Variants in CALN1 observed in about 807,000 individuals in gnomAD.
The protein encoded by CALN1 is calcium-binding protein 8.
In CALN1, 17 loss-of-function variants were observed where a neutral mutation model predicts 30.6. The ratio of observed to expected loss-of-function variants is 0.56; its 90% CI spans 0.38 to 0.83. The LOEUF is 0.83. CALN1 is among the 40% of genes least tolerant of loss of function. The pLI is 0.00. For missense variants in CALN1, 291 were observed against 354.9 expected, an observed-to-expected ratio of 0.82 and a Z score of 1.45; for synonymous variants, 156 against 131.4, an observed-to-expected ratio of 1.19 and a Z score of -1.28.
intron 2 of CALN1, among the ~76,000 whole-genome samples, chr7:72,400,318 G>A (rs1388934588): frequency 6.6e-6 from 1 of 152,096 alleles, no homozygotes; most frequent in African/African-American, 2.4e-5. Flanking sequence ...ATTTGGAATT[G>A]AGACCACACT....
intron 1 of CALN1, among the ~76,000 whole-genome samples, chr7:72,405,222 A>T (rs769033030): frequency 7.2e-5 from 11 of 152,206 alleles, no homozygotes; most frequent in Non-Finnish European, 1.3e-4. Context: ...GCAAGAAGTC[A>T]CATCTCACCA....
chr7:72,414,167 G>A (rs977586157), upstream of CALN1, among the ~76,000 whole-genome samples: 1 of 152,122 alleles, frequency 6.6e-6, no homozygotes, highest in Admixed American at 6.5e-5. Context: ...CAGGATCCTA[G>A]AGTTTGGCGG....
chr7:72,040,819 G>A (rs1228363498), intron 4 of CALN1, among the ~76,000 whole-genome samples: 1 of 152,170 alleles, frequency 6.6e-6, no homozygotes, highest in East Asian at 1.9e-4. Flanking sequence ...AAGACAGGAA[G>A]AGAGGCTTCA....
intron 4 of CALN1, among the ~76,000 whole-genome samples, chr7:72,097,958 C>G (rs980130725): frequency 6.6e-6 from 1 of 152,194 alleles, no homozygotes; most frequent in Non-Finnish European, 1.5e-5. Context: ...AAGTGATCCA[C>G]CCGCCTCGGC....
chr7:71,974,223 GC>G (rs1797988527), intron 5 of CALN1, among the ~76,000 whole-genome samples: 1 of 151,982 alleles, frequency 6.6e-6, no homozygotes. Context: ...TTCGAGACCA[GC>G]CTGGCCAACA....
rs558242084 is a variant in CALN1, at chr7:72,287,991, T to C, written c.120-9181A>G. On this transcript the variant is annotated intron_variant, in intron 2 of 6. Transcript: ENST00000395275. ...TTTATTGGTATATAATAGTTATTTA[T>C]TGGTATATAATAAATTACCCCTGAA... Among the ~76,000 whole-genome samples, 9 of 152,164 alleles carry C rather than the reference T, an allele frequency of 5.9e-5. No individual in the cohort carries two copies. In the South Asian group the frequency reaches 1.7e-3, roughly 28 times the overall value.
chr7:72,065,459 A>G (rs1803956371), intron 4 of CALN1, among the ~76,000 whole-genome samples: 1 of 151,966 alleles, frequency 6.6e-6, no homozygotes, highest in Non-Finnish European at 1.5e-5. Flanking sequence ...TTGCATGACA[A>G]CCCTTCAAAT....
chr7:71,799,625 C>T (rs533265200), intron 6 of CALN1, among the ~76,000 whole-genome samples: 2 of 152,024 alleles, frequency 1.3e-5, no homozygotes, highest in South Asian at 4.2e-4. Flanking sequence ...GCCACCATAC[C>T]CAGCTAATTT....
chr7:72,480,979 C>G, the CALN1 span, among the ~76,000 whole-genome samples: 54,977 of 151,904 alleles, frequency 0.36, 10,865 homozygotes, highest in African/African-American at 0.48. Context: ...TTTTTTGAGA[C>G]TCTCGCTCTG....
intron 4 of CALN1, among the ~76,000 whole-genome samples, chr7:72,028,778 G>A (rs1346430625): frequency 6.6e-6 from 1 of 152,150 alleles, no homozygotes; most frequent in Admixed American, 6.5e-5. Context: ...GTCACTTGAG[G>A]TCAGGAGTTT....
At chr7:72,314,753 T>C (rs1046077615) in intron 2 of CALN1, among the ~76,000 whole-genome samples, 1 of 151,600 alleles carries the variant, frequency 6.6e-6, no homozygotes, top group Admixed American at 6.6e-5. Flanking sequence ...AGGTAAGTAT[T>C]TGTGTAATCT....
At chr7:72,265,030 G>A (rs1434452700) in intron 3 of CALN1, among the ~76,000 whole-genome samples, 1 of 152,170 alleles carries the variant, frequency 6.6e-6, no homozygotes, top group Non-Finnish European at 1.5e-5. Context: ...TGTAGAGACA[G>A]GGTTTTGTCT....
intron 5 of CALN1, among the ~76,000 whole-genome samples, chr7:71,843,756 T>C (rs1790077551): frequency 2.6e-5 from 4 of 152,072 alleles, no homozygotes; most frequent in Admixed American, 1.3e-4. Flanking sequence ...ACCATACTTA[T>C]TATGCTCATG....
intron 4 of CALN1, among the ~76,000 whole-genome samples, chr7:72,064,932 C>T (rs1239348531): frequency 2.0e-5 from 3 of 151,750 alleles, no homozygotes; most frequent in African/African-American, 7.3e-5. Flanking sequence ...TATTATGTGG[C>T]TCTAGGACCA....
chr7:72,078,846 G>C (rs140788979), intron 4 of CALN1, among the ~76,000 whole-genome samples: 1 of 152,190 alleles, frequency 6.6e-6, no homozygotes, highest in African/African-American at 2.4e-5. Flanking sequence ...TGAGGCAGGA[G>C]AATCGCCTGA....
At chr7:71,937,175 T>G (rs1469350414) in intron 5 of CALN1, among the ~76,000 whole-genome samples, 1 of 151,752 alleles carries the variant, frequency 6.6e-6, no homozygotes, top group African/African-American at 2.4e-5. Context: ...GGCATGGTGG[T>G]GCATGCCTGT....
At chr7:72,073,563 G>A (rs1490373608) in intron 4 of CALN1, among the ~76,000 whole-genome samples, 2 of 152,018 alleles carry the variant, frequency 1.3e-5, no homozygotes, top group Non-Finnish European at 2.9e-5. Flanking sequence ...AAAGGGGAGG[G>A]GAATAATAAA....
intron 2 of CALN1, among the ~76,000 whole-genome samples, chr7:72,373,668 A>G (rs1354425359): frequency 6.6e-6 from 1 of 152,186 alleles, no homozygotes; most frequent in Non-Finnish European, 1.5e-5. Flanking sequence ...TATTACATGC[A>G]TTTTCAACCT....
chr7:72,169,429 C>T (rs914010828), intron 3 of CALN1, among the ~76,000 whole-genome samples: 4 of 151,922 alleles, frequency 2.6e-5, no homozygotes, highest in African/African-American at 9.7e-5. Context: ...AAGTGATTCT[C>T]CTGTCTCAGC....
Sources: gnomAD v4.1 joint callset for allele counts (sites outside exome capture counted in the v4.1 genomes callset) on GRCh38, gnomAD v4.1.1 for gene constraint, MANE v1.5 for transcripts, NCBI Gene and HGNC (gene_info 2026-07-23, HGNC 2026-07-21) for gene names.